RAP1GAP2: variants seen among roughly 807,000 people sequenced by gnomAD.
The protein encoded by RAP1GAP2 is rap1 GTPase-activating protein 2.
RAP1GAP2 carries 27 observed loss-of-function variants against 95.0 expected under a neutral mutation model. The observed-to-expected ratio is 0.28, with a 90% CI of 0.21 to 0.39. The LOEUF (loss-of-function observed/expected upper bound fraction) is 0.39. Among genes scored for constraint, RAP1GAP2 ranks in the 10% least tolerant of loss-of-function variants. The probability of loss-of-function intolerance (pLI) is 1.00; values close to 1 mark genes in which losing one functional copy is unlikely to be tolerated. For synonymous variants in RAP1GAP2, 373 were observed against 380.9 expected, an observed-to-expected ratio of 0.98 and a Z score of 0.24; for missense variants, 771 against 970.0, an observed-to-expected ratio of 0.79 and a Z score of 2.72.
chr17:2,807,640 C>T (rs933217927), intron 2 of RAP1GAP2, among the ~76,000 whole-genome samples: 1 of 152,110 alleles, frequency 6.6e-6, no homozygotes, highest in Non-Finnish European at 1.5e-5. Context: ...TCCAGGTAGC[C>T]CGACCCTCAC....
At chr17:2,937,425 G>A (rs911321984) in intron 3 of RAP1GAP2, among the ~76,000 whole-genome samples, 4 of 152,162 alleles carry the variant, frequency 2.6e-5, no homozygotes, top group Admixed American at 2.0e-4. Flanking sequence ...CTTGGGGCAC[G>A]CCACGTTCCT....
upstream of RAP1GAP2, among the ~76,000 whole-genome samples, chr17:2,793,592 C>T (rs193091166): frequency 2.4e-3 from 361 of 152,356 alleles, 1 homozygote; most frequent in African/African-American, 8.0e-3. Flanking sequence ...TTGCTGTCAG[C>T]GGCGGGAGGC....
intron 3 of RAP1GAP2, among the ~76,000 whole-genome samples, chr17:2,932,213 T>C (rs1167509942): frequency 6.6e-6 from 1 of 152,110 alleles, no homozygotes; most frequent in African/African-American, 2.4e-5. Flanking sequence ...GATGGGACGC[T>C]GTGTTTTCCT....
chr17:2,994,655 G>A (rs2045892551), intron 12 of RAP1GAP2, among the ~76,000 whole-genome samples: 1 of 152,232 alleles, frequency 6.6e-6, no homozygotes. Flanking sequence ...ACATGGCCTT[G>A]CAGAGAGCAA....
chr17:2,913,810 C>T (rs187211203), intron 3 of RAP1GAP2, among the ~76,000 whole-genome samples: 1 of 152,324 alleles, frequency 6.6e-6, no homozygotes, highest in African/African-American at 2.4e-5. Flanking sequence ...ATCATAACTG[C>T]CCCCTTGAGG....
At position 3,036,117 on chromosome 17, in the gene RAP1GAP2, GT is replaced by G. The variant is rs1348599564; in HGVS notation, c.*2757del. 3.3e-5 allele frequency: 5 copies of G among 152,232 alleles called. No individual in the cohort carries two copies. The highest frequency in any genetic ancestry group is 6.5e-5 in the Admixed American group (1 of 15,274). The allele number at this position is 152,232 out of a possible 1,614,324, so 9.4% of individuals were successfully genotyped here. A position where few individuals can be genotyped will look rare whatever the true frequency, so the allele number is the denominator to read the frequency against. On this transcript the variant is annotated 3_prime_UTR_variant, in exon 25 of 25. Coordinates refer to ENST00000254695, the MANE Select transcript of RAP1GAP2 (RefSeq NM_015085.5). ...GGTGCAGAAAAGCTCGCGATGGAAG[GT>G]CTTAATGAGAGTGTCTGTCTATGCC...
chr17:2,977,746 TAAAAAAAAAAAA>T lies in RAP1GAP2; in HGVS notation c.597-2526_597-2515del, dbSNP rs35219186. Among the ~76,000 whole-genome samples, 27 of 76,860 alleles carry T rather than the reference TAAAAAAAAAAAA, an allele frequency of 3.5e-4. No homozygotes were observed. The South Asian group carries it at 5.7e-3, about 16-fold the overall frequency. The allele number at this position is 76,860 out of a possible 152,430, so 50.4% of individuals were successfully genotyped here. ...GGCGACAGAGTGAGAGACTCCGTCT[TAAAAAAAAAAAA>T]AAAAAAAAAAAAAAGATGAGAAGCA... is the stretch of plus-strand genomic sequence containing the variant. On this transcript the variant is annotated intron_variant, in intron 8 of 24. Transcript: ENST00000254695.
intron 3 of RAP1GAP2, among the ~76,000 whole-genome samples, chr17:2,912,572 C>G (rs959634215): frequency 3.3e-5 from 5 of 152,104 alleles, no homozygotes; most frequent in African/African-American, 9.7e-5. Context: ...TGGTTTTTCC[C>G]TCTTCAAGAA....
chr17:2,770,303 C>T (rs2068365358), intron 1 of RAP1GAP2: 1 of 398,554 alleles, frequency 2.5e-6, no homozygotes, highest in East Asian at 3.6e-5. Flanking sequence ...CAGCCACCTC[C>T]TCACTCTCTC....
At chr17:2,947,773 C>T (rs776288372) in intron 3 of RAP1GAP2, among the ~76,000 whole-genome samples, 17 of 152,164 alleles carry the variant, frequency 1.1e-4, no homozygotes, top group Non-Finnish European at 1.9e-4. Context: ...ACATCCCATC[C>T]CGCTCCCAGG....
intron 4 of RAP1GAP2, among the ~76,000 whole-genome samples, chr17:2,960,879 C>T (rs753644661): frequency 3.9e-5 from 6 of 152,214 alleles, no homozygotes; most frequent in African/African-American, 1.4e-4. Flanking sequence ...ACCACGTGTT[C>T]CCCTCCTGCA....
chr17:2,796,591 G>A lies in RAP1GAP2; in HGVS notation c.44+20G>A, dbSNP rs1284791632. 1 of 1,555,534 alleles carries A rather than the reference G, an allele frequency of 6.4e-7. No individual in the cohort carries two copies. The highest frequency in any genetic ancestry group is 8.7e-7 in the Non-Finnish European group (1 of 1,149,024). On this transcript the variant is annotated intron_variant, in intron 1 of 24. Transcript: ENST00000254695. The surrounding 1 kb of genome is among the most constrained non-coding windows in gnomAD (Gnocchi z 4.7). The stretch of plus-strand genomic sequence containing the variant: ...CGGATGGTGGGTGACAGGTGGGAGG[G>A]TGGGGGAATGATGGGAGAGAACTTA...
intron 2 of RAP1GAP2, among the ~76,000 whole-genome samples, chr17:2,840,242 C>A (rs150098220): frequency 2.0e-5 from 3 of 151,838 alleles, no homozygotes; most frequent in Non-Finnish European, 4.4e-5. Flanking sequence ...CGGTTCACTG[C>A]GACCCCCACC....
chr17:3,030,158 A>G (rs1438321740), intron 22 of RAP1GAP2, among the ~76,000 whole-genome samples: 1 of 144,708 alleles, frequency 6.9e-6, no homozygotes, highest in Non-Finnish European at 1.5e-5. Context: ...ATGTATATAC[A>G]TATGTATAAT....
intron 8 of RAP1GAP2, among the ~76,000 whole-genome samples, chr17:2,967,704 G>A (rs994612896): frequency 6.6e-6 from 1 of 152,178 alleles, no homozygotes; most frequent in Admixed American, 6.5e-5. Flanking sequence ...TTGGAAACCA[G>A]ACATAAGAAA....
chr17:2,891,253 TC>T (rs2073705133), intron 2 of RAP1GAP2, among the ~76,000 whole-genome samples: 1 of 151,924 alleles, frequency 6.6e-6, no homozygotes, highest in Admixed American at 6.6e-5. Context: ...GTTCAAGCGA[TC>T]CCCCTACCTC....
chr17:2,820,891 G>GTTTTT (rs1475267891), intron 2 of RAP1GAP2, among the ~76,000 whole-genome samples: 1,512 of 113,612 alleles, frequency 0.013, 61 homozygotes, highest in African/African-American at 0.031. Flanking sequence ...CCCGGATAAT[G>GTTTTT]GTTTTTTTTT....
At chr17:3,028,120 G>A (rs911814014) in intron 22 of RAP1GAP2, among the ~76,000 whole-genome samples, 4 of 151,940 alleles carry the variant, frequency 2.6e-5, no homozygotes, top group African/African-American at 7.3e-5. Context: ...CTGTGCCTCA[G>A]TTTCTCCAAG....
At chr17:2,862,380 C>T (rs577113887) in intron 2 of RAP1GAP2, among the ~76,000 whole-genome samples, 2 of 152,170 alleles carry the variant, frequency 1.3e-5, no homozygotes, top group Non-Finnish European at 2.9e-5. Flanking sequence ...GCACAGATGG[C>T]TGCTTACCAG....
Sources: gnomAD v4.1 joint callset for allele counts (sites outside exome capture counted in the v4.1 genomes callset) on GRCh38, gnomAD v4.1.1 for gene constraint, Gnocchi (gnomAD v3.1) non-coding constraint, MANE v1.5 for transcripts, NCBI Gene and HGNC (gene_info 2026-07-23, HGNC 2026-07-21) for gene names.